The following NTRK2 variants were observed in gnomAD, a reference collection of about 807,000 sequenced individuals.
The protein encoded by NTRK2 is BDNF/NT-3 growth factors receptor.
Under a neutral mutation model 94.5 loss-of-function variants are expected in NTRK2, and 13 were observed. The observed-to-expected ratio is 0.14, with a 90% confidence interval of 0.09 to 0.22. NTRK2 has a LOEUF of 0.22. NTRK2 is among the 10% of genes least tolerant of loss of function. NTRK2 has a pLI of 1.00. For synonymous variants in NTRK2, 372 were observed against 407.4 expected, an observed-to-expected ratio of 0.91 and a Z score of 1.05; for missense variants, 639 against 1,071.2, an observed-to-expected ratio of 0.60 and a Z score of 5.63.
chr9:84,880,259 T>A (rs1452277370), intron 14 of NTRK2, among the ~76,000 whole-genome samples: 1 of 152,164 alleles, frequency 6.6e-6, no homozygotes, highest in African/African-American at 2.4e-5. Context: ...TGGGAGCATG[T>A]TGAGGTGCAT....
intron 6 of NTRK2, among the ~76,000 whole-genome samples, chr9:84,711,754 G>A (rs1486957255): frequency 6.6e-6 from 1 of 152,110 alleles, no homozygotes; most frequent in African/African-American, 2.4e-5. Flanking sequence ...TGCTGCACAC[G>A]CTTTGTAGGA....
intron 8 of NTRK2, 115 bp downstream of exon 8, chr9:84,724,471 G>A (rs1564131236): frequency 4.3e-6 from 5 of 1,166,560 alleles, no homozygotes; most frequent in Non-Finnish European, 6.4e-6. Flanking sequence ...TATATGCAGT[G>A]TTTTGTGCAT....
chr9:84,706,657 G>A (rs987380791), intron 4 of NTRK2, among the ~76,000 whole-genome samples: 1 of 151,064 alleles, frequency 6.6e-6, no homozygotes, highest in Non-Finnish European at 1.5e-5. Flanking sequence ...AGCCTCCCCA[G>A]TAGTTGGGAC....
At chr9:84,883,747 T>G (rs867389153) in intron 14 of NTRK2, among the ~76,000 whole-genome samples, 1 of 152,360 alleles carries the variant, frequency 6.6e-6, no homozygotes, top group African/African-American at 2.4e-5. Context: ...GCAATTTTTT[T>G]AATCTATATA....
At chr9:84,870,329 G>GTATATATA (rs1249656013) in intron 14 of NTRK2, among the ~76,000 whole-genome samples, 6 of 20,554 alleles carry the variant, frequency 2.9e-4, no homozygotes, top group Non-Finnish European at 5.1e-4. Context: ...GGGTGTGTGT[G>GTATATATA]TGTATATATA....
chr9:84,810,084 C>A (rs1280205048), intron 12 of NTRK2, among the ~76,000 whole-genome samples: 2 of 152,134 alleles, frequency 1.3e-5, no homozygotes, highest in Non-Finnish European at 2.9e-5. Context: ...TAATTCCCCC[C>A]ACCCATAAAG....
At chr9:84,691,267 A>G (rs1477977150) in intron 2 of NTRK2, among the ~76,000 whole-genome samples, 2 of 152,200 alleles carry the variant, frequency 1.3e-5, no homozygotes, top group Non-Finnish European at 2.9e-5. Flanking sequence ...AGTAGCTTTC[A>G]TTTTCTTCTT....
chr9:84,768,577 A>C (rs1437235324), intron 12 of NTRK2, among the ~76,000 whole-genome samples: 3 of 152,174 alleles, frequency 2.0e-5, no homozygotes, highest in South Asian at 2.1e-4. Context: ...TCTAGGTGCA[A>C]AAACTTAAGG....
At chr9:84,956,374 G>C (rs1338779925) in intron 17 of NTRK2, among the ~76,000 whole-genome samples, 2 of 152,182 alleles carry the variant, frequency 1.3e-5, no homozygotes, top group Non-Finnish European at 2.9e-5. Flanking sequence ...TGGCCCCCGG[G>C]ATATGTTAAC....
At chr9:84,963,939 A>G (rs187056928) in intron 17 of NTRK2, among the ~76,000 whole-genome samples, 2 of 152,194 alleles carry the variant, frequency 1.3e-5, no homozygotes, top group Non-Finnish European at 2.9e-5. Flanking sequence ...TGGAAGTTCA[A>G]TATGGGCCTT....
At chr9:84,902,745 A>G (rs546715276) in intron 14 of NTRK2, among the ~76,000 whole-genome samples, 12 of 152,210 alleles carry the variant, frequency 7.9e-5, no homozygotes, top group African/African-American at 2.6e-4. Context: ...AAGGCTTTCT[A>G]TGTGATAACA....
chr9:84,850,995 G>A (rs1026377602), intron 12 of NTRK2, among the ~76,000 whole-genome samples: 3 of 152,148 alleles, frequency 2.0e-5, no homozygotes, highest in Non-Finnish European at 2.9e-5. Context: ...ACCCTTGTTG[G>A]TCAATACCTA....
intron 17 of NTRK2, among the ~76,000 whole-genome samples, chr9:85,007,592 G>A (rs1160286938): frequency 1.3e-5 from 2 of 152,172 alleles, no homozygotes; most frequent in Non-Finnish European, 2.9e-5. Context: ...TCAAAATGGA[G>A]GTGGAAAGAA....
At chr9:84,718,066 T>TCTA (rs2061824113) in intron 6 of NTRK2, among the ~76,000 whole-genome samples, 1 of 149,354 alleles carries the variant, frequency 6.7e-6, no homozygotes, top group African/African-American at 2.5e-5. Context: ...CTCCTCTTCT[T>TCTA]TCTTCTTCCT....
chr9:84,707,511 T>C (rs1228112611), intron 4 of NTRK2, among the ~76,000 whole-genome samples: 1 of 152,188 alleles, frequency 6.6e-6, no homozygotes, highest in Non-Finnish European at 1.5e-5. Flanking sequence ...ATCTTACATA[T>C]CCTCCTATTA....
In NTRK2 at chr9:84,888,982, A is replaced by ATTTTT. The variant is rs71369159; in HGVS notation, c.1633+21573_1633+21577dup. Reference sequence around the variant, plus strand: ...TCCCCATTATTTATTAATGACAGAAATTTTTTTTTTTTTTTTTTTTTTTTT... The same window carrying ATTTTT: ...TCCCCATTATTTATTAATGACAGAAATTTTTTTTTTTTTTTTTTTTTTTTTTTTTT... On this transcript the variant is annotated intron_variant, in intron 14 of 18. Coordinates refer to ENST00000277120, the MANE Select transcript of NTRK2 (RefSeq NM_006180.6). Among the ~76,000 whole-genome samples the ATTTTT allele has an allele frequency of 5.5e-3, 555 of 101,690 alleles. 159 individuals are homozygous for ATTTTT. Among genetic ancestry groups the ATTTTT allele is most frequent in the South Asian group, 0.025 (74 of 2,996 alleles). The allele number at this position is 101,690 out of a possible 152,430, so 66.7% of individuals were successfully genotyped here. A position where few individuals can be genotyped will look rare whatever the true frequency, so the allele number is the denominator to read the frequency against.
chr9:84,813,895 T>C (rs201340925), intron 12 of NTRK2: 19 of 1,065,364 alleles, frequency 1.8e-5, no homozygotes, highest in Admixed American at 5.3e-5. Flanking sequence ...CATGGCTCAA[T>C]GGGGGCCTCC....
At chr9:84,744,566 T>C (rs1194988649) in intron 10 of NTRK2, among the ~76,000 whole-genome samples, 10 of 152,194 alleles carry the variant, frequency 6.6e-5, no homozygotes, top group Non-Finnish European at 1.5e-5. Context: ...ACTGATATTC[T>C]TCAGCTGTAA....
intron 17 of NTRK2, among the ~76,000 whole-genome samples, chr9:84,980,910 G>C (rs1827509744): frequency 6.6e-6 from 1 of 152,210 alleles, no homozygotes; most frequent in Admixed American, 6.5e-5. Flanking sequence ...TAGTGTGAAA[G>C]AAATCCTTTG....
Sources: gnomAD v4.1 joint callset for allele counts (sites outside exome capture counted in the v4.1 genomes callset) on GRCh38, gnomAD v4.1.1 for gene constraint, MANE v1.5 for transcripts, NCBI Gene and HGNC (gene_info 2026-07-23, HGNC 2026-07-21) for gene names.